The following NBEA variants were observed in gnomAD, a reference collection of about 807,000 sequenced individuals.
NBEA encodes the protein neurobeachin.
NBEA carries 44 observed loss-of-function variants against 343.4 expected under a neutral mutation model. The observed-to-expected ratio is 0.13, with a 90% CI of 0.10 to 0.16. The LOEUF is 0.16. NBEA is among the 10% of genes least tolerant of loss of function. The pLI, the probability that NBEA is intolerant of heterozygous loss-of-function variation, is 1.00. For synonymous variants in NBEA, 1,175 were observed against 1,238.7 expected (o/e 0.95, Z 1.08); for missense variants, 2,555 against 3,631.3 (o/e 0.70, Z 7.62).
intron 33 of NBEA, among the ~76,000 whole-genome samples, chr13:35,232,289 A>G (rs1355597400): frequency 6.6e-6 from 1 of 152,226 alleles, no homozygotes; most frequent in East Asian, 1.9e-4. Flanking sequence ...TAGTATAGTC[A>G]TTGCAATTTA....
Position 35,156,101 on chromosome 13 carries a change from C to T in NBEA, c.2546C>T (p.Ala849Val). 1 of 1,582,368 alleles carries T rather than the reference C, an allele frequency of 6.3e-7. No homozygotes were observed. Among genetic ancestry groups the T allele is most frequent in the Non-Finnish European group, 8.6e-7 (1 of 1,169,282 alleles). The change falls in exon 20 of 59, where the codon GCA becomes GTA. Residue 849 changes from alanine to valine, a missense_variant. Coordinates refer to ENST00000379939, the MANE Select transcript of NBEA (RefSeq NM_001385012.1). The stretch of plus-strand genomic sequence containing the variant: ...TTTACAGTGATTCTTAAAGTGGTGG[C>T]AACTTTGTTAAAAAACTCTACACCA... ...IQNPMILKVVATLLKNSTPSA... is the reference protein window; with the variant it reads ...IQNPMILKVVVTLLKNSTPSA...
At chr13:35,412,676 A>G (rs537883803) in intron 38 of NBEA, among the ~76,000 whole-genome samples, 2 of 152,130 alleles carry the variant, frequency 1.3e-5, no homozygotes, top group Non-Finnish European at 2.9e-5. Flanking sequence ...TATCATAGTT[A>G]TCACTGTTTA....
chr13:35,548,650 T>C (rs2079174366), intron 41 of NBEA, among the ~76,000 whole-genome samples: 1 of 152,176 alleles, frequency 6.6e-6, no homozygotes, highest in Admixed American at 6.5e-5. Flanking sequence ...TAGTTGAAGA[T>C]AGATTTTGTT....
At chr13:35,122,195 A>G (rs963286360) in intron 16 of NBEA, among the ~76,000 whole-genome samples, 1 of 152,162 alleles carries the variant, frequency 6.6e-6, no homozygotes, top group Non-Finnish European at 1.5e-5. Flanking sequence ...TTAAAGTAAA[A>G]ACTGAACAAT....
intron 53 of NBEA, 72 bp from the exon 54 acceptor site, chr13:35,654,783 T>G: frequency 8.0e-7 from 1 of 1,246,162 alleles, no homozygotes; most frequent in Non-Finnish European, 1.1e-6. Flanking sequence ...AAAGTATTGT[T>G]TTCCTTCTTT....
At chr13:35,489,995 A>G (rs2076445420) in intron 41 of NBEA, among the ~76,000 whole-genome samples, 1 of 151,928 alleles carries the variant, frequency 6.6e-6, no homozygotes, top group African/African-American at 2.4e-5. Flanking sequence ...GCCCTCACCA[A>G]GTAGTCAGTG....
intron 1 of NBEA, 118 bp from the exon 2 acceptor site, chr13:35,040,815 A>G (rs2062623081): frequency 2.5e-6 from 2 of 802,144 alleles, no homozygotes; most frequent in Admixed American, 2.7e-5. Flanking sequence ...AATTAATTTT[A>G]TACCAGAATC....
chr13:35,430,133 A>G (rs1332677695), intron 38 of NBEA, among the ~76,000 whole-genome samples: 1 of 150,608 alleles, frequency 6.6e-6, no homozygotes, highest in Non-Finnish European at 1.5e-5. Flanking sequence ...TTTTTTTTTG[A>G]ATTTTTTGAT....
intron 47 of NBEA, among the ~76,000 whole-genome samples, chr13:35,603,756 C>G (rs2082161146): frequency 6.6e-6 from 1 of 152,176 alleles, no homozygotes; most frequent in Admixed American, 6.5e-5. Context: ...GAGTCTAGTA[C>G]ATATAAATCA....
chr13:35,239,995 C>G (rs2029936851), intron 34 of NBEA, among the ~76,000 whole-genome samples: 1 of 150,690 alleles, frequency 6.6e-6, no homozygotes, highest in African/African-American at 2.4e-5. Flanking sequence ...GCAGTTTGAG[C>G]ATCCATAAAT....
intron 48 of NBEA, among the ~76,000 whole-genome samples, chr13:35,614,277 T>G (rs1481351326): frequency 2.0e-5 from 3 of 152,206 alleles, no homozygotes; most frequent in Non-Finnish European, 4.4e-5. Context: ...TTCCCTGCCC[T>G]TTTATACAAG....
intron 22 of NBEA, among the ~76,000 whole-genome samples, chr13:35,160,260 C>A (rs891855813): frequency 6.6e-6 from 1 of 152,108 alleles, no homozygotes; most frequent in Non-Finnish European, 1.5e-5. Context: ...CTTTGCTCAA[C>A]CTCTCTGGGC....
intron 45 of NBEA, among the ~76,000 whole-genome samples, chr13:35,577,650 T>C (rs535697095): frequency 6.6e-6 from 1 of 152,178 alleles, no homozygotes; most frequent in Admixed American, 6.5e-5. Flanking sequence ...AAATTTTATA[T>C]AATATTATAT....
chr13:34,948,708 C>T (rs1355763681), intron 1 of NBEA, among the ~76,000 whole-genome samples: 1 of 152,024 alleles, frequency 6.6e-6, no homozygotes, highest in Admixed American at 6.6e-5. Flanking sequence ...CTAGCAGTTC[C>T]GTTTTACAGA....
intron 32 of NBEA, among the ~76,000 whole-genome samples, chr13:35,209,519 T>C (rs770297994): frequency 2.0e-4 from 31 of 151,954 alleles, no homozygotes; most frequent in Non-Finnish European, 3.4e-4. Flanking sequence ...TTTTTGTAAA[T>C]TTCCAGAAAT....
intron 13 of NBEA, among the ~76,000 whole-genome samples, chr13:35,111,779 A>G (rs963894803): frequency 5.9e-5 from 9 of 151,888 alleles, no homozygotes; most frequent in Non-Finnish European, 1.0e-4. Flanking sequence ...AATATTTTAA[A>G]TTTTTTTCAG....
At chr13:35,607,134 C>A (rs368882879) in intron 48 of NBEA, among the ~76,000 whole-genome samples, 1 of 152,182 alleles carries the variant, frequency 6.6e-6, no homozygotes, top group South Asian at 2.1e-4. Flanking sequence ...ACTAAAGCCT[C>A]AAACTCCTGG....
rs1593643203 is a variant in NBEA at position 35,182,395 on chromosome 13, T to C, written c.4698T>C (p.Ala1566=). 1 of 1,610,710 alleles carries C rather than the reference T, an allele frequency of 6.2e-7. No individual in the cohort carries two copies. ...DSKQAQFLAL[A]VVYFISVLMV... ...AACAAGCACAGTTCTTAGCTCTGGC[T>C]GTTGTTTACTTCATTTCGGTTCTGA... Residue 1566 remains alanine, a synonymous_variant, in exon 29 of 59, where the codon GCT becomes GCC. Transcript: ENST00000379939.
chr13:35,332,690 G>A (rs2038999448), intron 36 of NBEA, among the ~76,000 whole-genome samples: 1 of 152,130 alleles, frequency 6.6e-6, no homozygotes. Flanking sequence ...AGATTTCAGG[G>A]AGGCAGAAAA....
Sources: allele counts gnomAD v4.1 joint callset (sites outside exome capture counted in the v4.1 genomes callset), GRCh38; gene constraint gnomAD v4.1.1; transcripts MANE v1.5; gene names NCBI Gene and HGNC (gene_info 2026-07-23, HGNC 2026-07-21).